CENPU: variants seen among roughly 807,000 people sequenced by gnomAD.
The protein encoded by CENPU is centromere protein U.
In CENPU, 46 loss-of-function variants were observed where a neutral mutation model predicts 56.7. The ratio of observed to expected loss-of-function variants is 0.81; its 90% CI spans 0.64 to 1.04. CENPU has a LOEUF of 1.04. CENPU is among the 50% of genes least tolerant of loss of function. The probability of loss-of-function intolerance (pLI) is 0.00; values close to 1 mark genes in which losing one functional copy is unlikely to be tolerated. For synonymous variants in CENPU, 166 were observed against 163.0 expected, an observed-to-expected ratio of 1.02 and a Z score of -0.14; for missense variants, 510 against 490.1, an observed-to-expected ratio of 1.04 and a Z score of -0.38.
At chr4:184,711,771 A>G (rs1037358446) in intron 7 of CENPU, among the ~76,000 whole-genome samples, 1 of 151,716 alleles carries the variant, frequency 6.6e-6, no homozygotes, top group African/African-American at 2.4e-5. Flanking sequence ...CAGCAATTTC[A>G]CTCCTTTTCA....
chr4:184,725,158 T>TGGGGCA, intron 3 of CENPU, 96 bp from the exon 4 acceptor site: 1 of 642,542 alleles, frequency 1.6e-6, no homozygotes, highest in Non-Finnish European at 2.6e-6. Flanking sequence ...AAACAATCTT[T>TGGGGCA]GTTCAACTAA....
At chr4:184,733,489 G>T in intron 1 of CENPU, 1 of 873,808 alleles carries the variant, frequency 1.1e-6, no homozygotes, top group Non-Finnish European at 1.4e-6. Context: ...CCGACCAAAC[G>T]CTCGCTTTCT....
rs1760510382 is a variant in CENPU, at chr4:184,700,839, C to T, written c.967G>A (p.Val323Ile). ...IEKKRQRMIE[V>I]QDELLRLEPQ... The stretch of plus-strand genomic sequence containing the variant: ...TCTTACCGAAGCAGTTCATCCTGGA[C>T]TTCAATCATACGCTGCCTTTTCTTT... The change falls in exon 11 of 13, where the codon GTC becomes ATC. Residue 323 changes from valine (V) to isoleucine (I), a missense_variant. By Grantham distance (29) the Val-to-Ile change is conservative. Transcript: ENST00000281453. The T allele has an allele frequency of 3.1e-6, 5 of 1,613,802 alleles. No individual in the cohort carries two copies. Among genetic ancestry groups the T allele is most frequent in the Non-Finnish European group, 4.2e-6 (5 of 1,179,800 alleles).
chr4:184,724,922 C>A, intron 4 of CENPU, 35 bp downstream of exon 4: 1 of 1,330,912 alleles, frequency 7.5e-7, no homozygotes, highest in Non-Finnish European at 1.1e-6. Flanking sequence ...ATCCCATTAA[C>A]CATGAATAAA....
intron 6 of CENPU, among the ~76,000 whole-genome samples, chr4:184,716,050 A>G (rs1761083940): frequency 6.6e-6 from 1 of 151,646 alleles, no homozygotes; most frequent in Non-Finnish European, 1.5e-5. Context: ...CTCCTGCCTC[A>G]GCCTCCTGAG....
chr4:184,711,424 G>A (rs543735533), intron 7 of CENPU, among the ~76,000 whole-genome samples: 1 of 152,090 alleles, frequency 6.6e-6, no homozygotes, highest in Non-Finnish European at 1.5e-5. Context: ...TTTGTGGTAA[G>A]AAGACTAAAA....
intron 11 of CENPU, among the ~76,000 whole-genome samples, chr4:184,699,212 C>T (rs918355163): frequency 1.3e-5 from 2 of 151,998 alleles, no homozygotes; most frequent in Non-Finnish European, 2.9e-5. Flanking sequence ...CGCCTGTAGT[C>T]CCAACTATTC....
At chr4:184,731,175 C>A (rs1179539169) in intron 1 of CENPU, among the ~76,000 whole-genome samples, 1 of 152,070 alleles carries the variant, frequency 6.6e-6, no homozygotes, top group Non-Finnish European at 1.5e-5. Flanking sequence ...AGTTGGAATC[C>A]TGCTGTTAAC....
chr4:184,730,786 A>G, intron 2 of CENPU, 134 bp downstream of exon 2: 1 of 577,710 alleles, frequency 1.7e-6, no homozygotes, highest in Non-Finnish European at 3.0e-6. Context: ...AAAAAGTGTG[A>G]GGAAAATGAA....
chr4:184,724,731 A>G (rs1225164511), intron 4 of CENPU, among the ~76,000 whole-genome samples: 7 of 152,228 alleles, frequency 4.6e-5, no homozygotes, highest in African/African-American at 1.7e-4. Context: ...CTTCCCAGGC[A>G]TGATTTCTAG....
At chr4:184,723,695 T>G (rs1410978339) in intron 4 of CENPU, among the ~76,000 whole-genome samples, 1 of 151,158 alleles carries the variant, frequency 6.6e-6, no homozygotes, top group Admixed American at 6.6e-5. Context: ...ATACAAAAAT[T>G]AGCTGGACAT....
At chr4:184,733,279 A>G in intron 1 of CENPU, 2 of 982,244 alleles carry the variant, frequency 2.0e-6, no homozygotes, top group Non-Finnish European at 2.4e-6. Flanking sequence ...TTCCACCCTA[A>G]CCCCGCATCT....
At position 184,694,557 on chromosome 4, in the gene CENPU, T is replaced by C. The variant is rs552833326; in HGVS notation, c.*731A>G. ...TTACAACAGATGAAGCAGATGAAAC[T>C]AGGAGCAATGAAACCCAGAATCCTC... On this transcript the variant is annotated 3_prime_UTR_variant, in exon 13 of 13. Coordinates refer to ENST00000281453, the MANE Select transcript of CENPU (RefSeq NM_024629.4). The C allele has an allele frequency of 6.2e-7, 1 of 1,613,986 alleles. No individual in the cohort carries two copies. The highest frequency in any genetic ancestry group is 1.3e-5 in the African/African-American group (1 of 75,030).
Position 184,697,659 on chromosome 4 carries a change from G to A in CENPU, c.1131C>T (p.Asn377=), listed in dbSNP as rs571201924. Residue 377 remains asparagine, a synonymous_variant, in exon 12 of 13, where the codon AAC becomes AAT. Coordinates refer to ENST00000281453, the MANE Select transcript of CENPU (RefSeq NM_024629.4). ...DYSDVQAQEP[N]VKETYDSSSL... ...AAATTGGAGTTACCGTTTCCTTTAC[G>A]TTTGGTTCTTGAGCTTGAACATCTG... The A allele has an allele frequency of 1.8e-5, 29 of 1,612,392 alleles. No individual in the cohort carries two copies. In the African/African-American group the frequency reaches 2.8e-4, roughly 16 times the overall value.
chr4:184,719,249 T>A (rs1453363333), intron 4 of CENPU, among the ~76,000 whole-genome samples: 2 of 152,200 alleles, frequency 1.3e-5, no homozygotes, highest in African/African-American at 2.4e-5. Context: ...AAAGAGGCAC[T>A]GAAGAGGGTA....
At chr4:184,704,727 G>A (rs973662748) in intron 8 of CENPU, among the ~76,000 whole-genome samples, 1 of 152,156 alleles carries the variant, frequency 6.6e-6, no homozygotes, top group Non-Finnish European at 1.5e-5. Context: ...GAGGTACCCA[G>A]AACAGTTAGA....
chr4:184,712,899 T>G, intron 7 of CENPU, 45 bp downstream of exon 7: 68 of 1,292,190 alleles, frequency 5.3e-5, no homozygotes, highest in Non-Finnish European at 6.4e-5. Context: ...ATTTCTCTTA[T>G]GAAATTCCTG....
chr4:184,701,276 C>T (rs767179104), intron 10 of CENPU, among the ~76,000 whole-genome samples: 3 of 152,120 alleles, frequency 2.0e-5, no homozygotes, highest in Admixed American at 6.6e-5. Context: ...TTTATTATCT[C>T]GGACATTCAG....
At chr4:184,728,405 C>T (rs1308554539) in intron 3 of CENPU, among the ~76,000 whole-genome samples, 1 of 152,178 alleles carries the variant, frequency 6.6e-6, no homozygotes, top group Non-Finnish European at 1.5e-5. Context: ...TCATTTCTGG[C>T]TTCTGGAGTG....
Sources: allele counts gnomAD v4.1 joint callset (sites outside exome capture counted in the v4.1 genomes callset), GRCh38; gene constraint gnomAD v4.1.1; transcripts MANE v1.5; gene names NCBI Gene and HGNC (gene_info 2026-07-23, HGNC 2026-07-21).